The following NRG3 variants were observed in gnomAD, a reference collection of about 807,000 sequenced individuals.
NRG3 encodes the protein pro-neuregulin-3, membrane-bound isoform.
A neutral mutation model predicts 66.9 loss-of-function variants in NRG3; 31 were observed. That is an observed-to-expected ratio of 0.46 (90% CI 0.35 to 0.63). The LOEUF (loss-of-function observed/expected upper bound fraction) is 0.63. Ranked by LOEUF, NRG3 falls within the 20% of genes least tolerant of loss-of-function variation. The pLI is 0.00. For synonymous variants in NRG3, 393 were observed against 359.4 expected (o/e 1.09, Z -1.06); for missense variants, 910 against 878.9 (o/e 1.04, Z -0.45).
intron 2 of NRG3, among the ~76,000 whole-genome samples, chr10:82,535,444 T>C (rs1847720849): frequency 6.6e-6 from 1 of 152,010 alleles, no homozygotes; most frequent in Non-Finnish European, 1.5e-5. Context: ...GAAGAAAATA[T>C]TTAAAGGGTT....
chr10:82,886,712 G>A (rs1218319921), intron 4 of NRG3, among the ~76,000 whole-genome samples: 1 of 152,160 alleles, frequency 6.6e-6, no homozygotes, highest in Non-Finnish European at 1.5e-5. Flanking sequence ...AGGCTGAGAT[G>A]CTACAAGACA....
chr10:82,154,978 G>C (rs1315068410), intron 1 of NRG3, among the ~76,000 whole-genome samples: 1 of 151,660 alleles, frequency 6.6e-6, no homozygotes, highest in East Asian at 1.9e-4. Flanking sequence ...TTCTATATAA[G>C]ATCATCAGCA....
intron 1 of NRG3, among the ~76,000 whole-genome samples, chr10:82,209,382 TA>T (rs1384833410): frequency 6.6e-6 from 1 of 152,230 alleles, no homozygotes; most frequent in Admixed American, 6.5e-5. Context: ...TTTTCTAATT[TA>T]AAGAGACATA....
Position 82,653,957 on chromosome 10 carries a change from C to T in NRG3, c.954-84620C>T, listed in dbSNP as rs138584365. Among the ~76,000 whole-genome samples, 15 of 152,254 alleles carry T rather than the reference C, an allele frequency of 9.9e-5. No individual in the cohort carries two copies. In the East Asian group the frequency reaches 2.1e-3, roughly 22 times the overall value. On this transcript the variant is annotated intron_variant, in intron 2 of 8. Coordinates refer to ENST00000372141, the MANE Select transcript of NRG3 (RefSeq NM_001010848.4). ...CAAAGCCAGAGATTACGTACTACTG[C>T]GGGTGTCTTTTCTTTCAACGAGACT...
chr10:81,978,045 C>G (rs192007619), intron 1 of NRG3, among the ~76,000 whole-genome samples: 17 of 152,146 alleles, frequency 1.1e-4, no homozygotes, highest in African/African-American at 4.1e-4. Context: ...TTTAAATATC[C>G]TCCTTCTAGC....
At chr10:82,441,607 A>G (rs1312394400) in intron 2 of NRG3, among the ~76,000 whole-genome samples, 5 of 152,174 alleles carry the variant, frequency 3.3e-5, no homozygotes, top group Non-Finnish European at 7.3e-5. Context: ...CAGCGATGAG[A>G]GAGTGCTGTA....
At chr10:82,277,827 C>T (rs1183920216) in intron 1 of NRG3, among the ~76,000 whole-genome samples, 2 of 152,014 alleles carry the variant, frequency 1.3e-5, no homozygotes, top group Admixed American at 6.6e-5. Context: ...ACATTTTTTT[C>T]TTCACCAGAA....
intron 3 of NRG3, among the ~76,000 whole-genome samples, chr10:82,854,635 A>G (rs1350392933): frequency 6.6e-6 from 1 of 152,222 alleles, no homozygotes; most frequent in African/African-American, 2.4e-5. Flanking sequence ...TTCCGAAGCT[A>G]CAGTGCCTTG....
At chr10:82,819,259 T>C (rs2061846180) in intron 3 of NRG3, among the ~76,000 whole-genome samples, 1 of 152,218 alleles carries the variant, frequency 6.6e-6, no homozygotes, top group Admixed American at 6.5e-5. Context: ...TGTGAGATTT[T>C]GTAAAGCCAA....
At chr10:81,901,530 G>A (rs998594825) in intron 1 of NRG3, among the ~76,000 whole-genome samples, 5 of 151,996 alleles carry the variant, frequency 3.3e-5, no homozygotes, top group South Asian at 2.1e-4. Context: ...TTGTCTGAGC[G>A]TGGTGGCATG....
chr10:82,139,416 G>A (rs902157030), intron 1 of NRG3, among the ~76,000 whole-genome samples: 1 of 152,140 alleles, frequency 6.6e-6, no homozygotes, highest in Non-Finnish European at 1.5e-5. Context: ...TATACCACGT[G>A]AAAGATTCTA....
At chr10:82,971,059 G>A (rs1282326808) in intron 6 of NRG3, among the ~76,000 whole-genome samples, 3 of 152,088 alleles carry the variant, frequency 2.0e-5, no homozygotes, top group African/African-American at 7.2e-5. Context: ...GTGTCACATG[G>A]TGAGAGAGAA....
intron 2 of NRG3, among the ~76,000 whole-genome samples, chr10:82,557,558 T>A (rs1167045513): frequency 6.6e-6 from 1 of 152,156 alleles, no homozygotes; most frequent in Non-Finnish European, 1.5e-5. Flanking sequence ...TTTTCACATG[T>A]TTTCTCCCAT....
In NRG3 at chr10:82,985,445, C is replaced by G. The variant is rs368172415; in HGVS notation, c.1931C>G (p.Ala644Gly). The G allele has an allele frequency of 6.2e-7, 1 of 1,614,094 alleles. No homozygotes were observed. Among genetic ancestry groups the G allele is most frequent in the Non-Finnish European group, 8.5e-7 (1 of 1,180,000 alleles). ...GAGCAGATCCGAATTCTGACTGATG[C>G]CAGACGGTCAGAAGACTACGAACTG... ...VQEQIRILTDARRSEDYELAS... is the reference protein window; with the variant it reads ...VQEQIRILTDGRRSEDYELAS... Residue 644 changes from alanine (A) to glycine (G), a missense_variant, in exon 9 of 9, where the codon GCC becomes GGC. Transcript: ENST00000372141.
At chr10:82,755,877 C>T (rs993097142) in intron 3 of NRG3, among the ~76,000 whole-genome samples, 1 of 152,116 alleles carries the variant, frequency 6.6e-6, no homozygotes, top group African/African-American at 2.4e-5. Context: ...AGAAAAGAAG[C>T]AGCTTTACTT....
At chr10:82,493,222 A>G (rs1843312060) in intron 2 of NRG3, among the ~76,000 whole-genome samples, 1 of 152,012 alleles carries the variant, frequency 6.6e-6, no homozygotes, top group African/African-American at 2.4e-5. Flanking sequence ...CTATCAACCC[A>G]TCACTTAGGT....
chr10:82,554,711 C>T (rs1697094567), intron 2 of NRG3, among the ~76,000 whole-genome samples: 1 of 152,056 alleles, frequency 6.6e-6, no homozygotes, highest in South Asian at 2.1e-4. Context: ...TATGAATGTG[C>T]AAGGAAGTGT....
rs149794937 is a variant in NRG3 at position 82,561,900 on chromosome 10, C to A, written c.954-176677C>A. ...TAACCATCATAAGCCATTTGAACTT[C>A]AATATGAGGGCAATAGGGGTAGGGC... On this transcript the variant is annotated intron_variant, in intron 2 of 8. Transcript: ENST00000372141. 8.5e-5 allele frequency among the ~76,000 whole-genome samples: 13 copies of A among 152,242 alleles called. No homozygotes were observed. In the East Asian group the frequency reaches 2.5e-3, roughly 30 times the overall value.
intron 1 of NRG3, among the ~76,000 whole-genome samples, chr10:82,328,409 C>A (rs1407977703): frequency 6.6e-6 from 1 of 152,158 alleles, no homozygotes; most frequent in South Asian, 2.1e-4. Flanking sequence ...TACATATTTA[C>A]AGGGTACATA....
Sources: gnomAD v4.1 joint callset for allele counts (sites outside exome capture counted in the v4.1 genomes callset) on GRCh38, gnomAD v4.1.1 for gene constraint, MANE v1.5 for transcripts, NCBI Gene and HGNC (gene_info 2026-07-23, HGNC 2026-07-21) for gene names.